The following ISG15 variants were observed in gnomAD, a reference collection of about 807,000 sequenced individuals.
The protein encoded by ISG15 is ubiquitin-like protein ISG15.
Under a neutral mutation model 2.4 loss-of-function variants are expected in ISG15, and 2 were observed. The ratio of observed to expected loss-of-function variants is 0.82; its 90% CI spans 0.33 to 2.57. The LOEUF is 2.57. Ranked by LOEUF, ISG15 falls within the 30% of genes most tolerant of loss-of-function variation. The pLI is 0.11. For missense variants in ISG15, 224 were observed against 228.4 expected (o/e 0.98, Z 0.13); for synonymous variants, 116 against 108.1 (o/e 1.07, Z -0.45).
rs1271042463 is a variant in ISG15 at position 1,014,300 on chromosome 1, T to C, written c.320T>C (p.Leu107Pro). 6.2e-7 allele frequency: 1 copy of C among 1,613,596 alleles called. No homozygotes were observed. Among genetic ancestry groups the C allele is most frequent in the African/African-American group, 1.3e-5 (1 of 74,942 alleles). Reference protein sequence around the residue: ...EVRLTQTVAHLKQQVSGLEGV... With the variant: ...EVRLTQTVAHPKQQVSGLEGV... ...CGGCTGACGCAGACCGTGGCCCACC[T>C]GAAGCAGCAAGTGAGCGGGCTGGAG... The change falls in exon 2 of 2, where the codon CTG (leucine) becomes CCG (proline). Residue 107 changes from leucine (L) to proline (P), a missense_variant. Coordinates refer to ENST00000649529, the MANE Select transcript of ISG15 (RefSeq NM_005101.4).
chr1:1,013,641 C>T, intron 1 of ISG15, 65 bp downstream of exon 1: 4 of 1,568,258 alleles, frequency 2.6e-6, no homozygotes, highest in Non-Finnish European at 3.5e-6. Context: ...TCTCCCTCCC[C>T]CAGCCAAGGT....
In ISG15 at chr1:1,013,546, C is replaced by G. The variant is rs376473837; in HGVS notation, c.-28C>G. On this transcript the variant is annotated 5_prime_UTR_variant, in exon 1 of 2. Coordinates refer to ENST00000649529, the MANE Select transcript of ISG15 (RefSeq NM_005101.4). ...TCTTTGCCAGTACAGGAGCTTGTGCCGTGGCCCACAGCCCACAGCCCACAG... is the reference window on the plus strand; with the variant it reads ...TCTTTGCCAGTACAGGAGCTTGTGCGGTGGCCCACAGCCCACAGCCCACAG... The G allele has an allele frequency of 6.2e-7, 1 of 1,612,738 alleles. No individual in the cohort carries two copies. The highest frequency in any genetic ancestry group is 1.1e-5 in the South Asian group (1 of 91,046).
intron 1 of ISG15, 102 bp from the exon 2 acceptor site, chr1:1,013,882 A>G (rs1028360995): frequency 1.4e-6 from 2 of 1,426,250 alleles, no homozygotes; most frequent in African/African-American, 2.8e-5. Flanking sequence ...GACAGGAGGG[A>G]GCACTGTCCC....
chr1:1,013,562 CAGCCCACAGCCATGGTAA>C lies in ISG15; in HGVS notation c.-11_3+4del. On this transcript the variant is annotated splice_donor_variant and splice_donor_region_variant and coding_sequence_variant and 5_prime_UTR_variant and intron_variant, in exon 1 of 2. Transcript: ENST00000649529. LOFTEE classifies it high-confidence loss of function. ...AGCTTGTGCCGTGGCCCACAGCCCA[CAGCCCACAGCCATGGTAA>C]GGCAGATGTCACAGGTGGGGGGAGG... 1 of 1,613,472 alleles carries C rather than the reference CAGCCCACAGCCATGGTAA, an allele frequency of 6.2e-7. No individual in the cohort carries two copies. The highest frequency in any genetic ancestry group is 8.5e-7 in the Non-Finnish European group (1 of 1,179,816).
rs1644249609 is a variant in ISG15 at position 1,014,191 on chromosome 1, G to A, written c.211G>A (p.Val71Ile). 1.2e-6 allele frequency: 2 copies of A among 1,613,424 alleles called. No homozygotes were observed. The highest frequency in any genetic ancestry group is 1.7e-6 in the Non-Finnish European group (2 of 1,179,910). Residue 71 changes from valine to isoleucine, a missense_variant, in exon 2 of 2, where the codon GTC (valine) becomes ATC (isoleucine). By Grantham distance (29) the Val-to-Ile change is conservative. Coordinates refer to ENST00000649529, the MANE Select transcript of ISG15 (RefSeq NM_005101.4). ...CCAGGGCCTGGGCCCCGGCAGCACGGTCCTGCTGGTGGTGGACAAATGCGA... is the reference window on the plus strand; with the variant it reads ...CCAGGGCCTGGGCCCCGGCAGCACGATCCTGCTGGTGGTGGACAAATGCGA... ...ASQGLGPGSTVLLVVDKCDEP... is the reference protein window; with the variant it reads ...ASQGLGPGSTILLVVDKCDEP...
chr1:1,013,851 G>A, intron 1 of ISG15, 133 bp from the exon 2 acceptor site: 1 of 1,284,284 alleles, frequency 7.8e-7, no homozygotes, highest in Non-Finnish European at 1.1e-6. Context: ...TGGGGTCCCT[G>A]CCGGCGGGAT....
At position 1,014,088 on chromosome 1, in the gene ISG15, C is replaced by A. The variant is rs1126625; in HGVS notation, c.108C>A (p.Ile36=). 5 of 1,613,198 alleles carry A rather than the reference C, an allele frequency of 3.1e-6. No homozygotes were observed. In the Admixed American group the frequency reaches 5.0e-5, roughly 16 times the overall value. The part of the protein sequence containing the change: ...SELKAQITQK[I]GVHAFQQRLA... ...TGAAGGCGCAGATCACCCAGAAGAT[C>A]GGCGTGCACGCCTTCCAGCAGCGTC... The change falls in exon 2 of 2, where the codon ATC becomes ATA. Residue 36 remains isoleucine, a synonymous_variant. Coordinates refer to ENST00000649529, the MANE Select transcript of ISG15 (RefSeq NM_005101.4).
intron 1 of ISG15, 22 bp downstream of exon 1, chr1:1,013,598 G>A: frequency 6.2e-7 from 1 of 1,613,124 alleles, no homozygotes; most frequent in Non-Finnish European, 8.5e-7. Flanking sequence ...GTCACAGGTG[G>A]GGGGAGGTGG....
intron 1 of ISG15, 72 bp from the exon 2 acceptor site, chr1:1,013,912 T>C: frequency 6.6e-7 from 1 of 1,523,024 alleles, no homozygotes; most frequent in Non-Finnish European, 8.8e-7. Flanking sequence ...GAGCTCGCCC[T>C]GCAGCCAGTG....
rs369889443 is a variant in ISG15 at position 1,014,019 on chromosome 1, C to T, written c.39C>T (p.Asn13=). The T allele has an allele frequency of 1.1e-5, 17 of 1,603,768 alleles. No homozygotes were observed. The African/African-American group carries it at 1.2e-4, about 11-fold the overall frequency. ...WDLTVKMLAG[N]EFQVSLSSSM... ...TGACGGTGAAGATGCTGGCGGGCAACGAATTCCAGGTGTCCCTGAGCAGCT... is the reference window on the plus strand; with the variant it reads ...TGACGGTGAAGATGCTGGCGGGCAATGAATTCCAGGTGTCCCTGAGCAGCT... The change falls in exon 2 of 2, where the codon AAC becomes AAT. Residue 13 remains asparagine (N), a synonymous_variant. Coordinates refer to ENST00000649529, the MANE Select transcript of ISG15 (RefSeq NM_005101.4).
chr1:1,013,862 G>A (rs1220103528), intron 1 of ISG15, 122 bp from the exon 2 acceptor site: 1 of 1,340,244 alleles, frequency 7.5e-7, no homozygotes. Context: ...CCGGCGGGAT[G>A]TAGAGGACAG....
chr1:1,014,517 A>G lies in ISG15; in HGVS notation c.*39A>G, dbSNP rs1274050666. The stretch of plus-strand genomic sequence containing the variant: ...CATCCGAGCAGGATCAAGGGCCGGA[A>G]ATAAAGGCTGTTGTAAAGAGAAATG... On this transcript the variant is annotated 3_prime_UTR_variant, in exon 2 of 2. Transcript: ENST00000649529. The G allele has an allele frequency of 2.6e-6, 4 of 1,557,326 alleles. No homozygotes were observed. The highest frequency in any genetic ancestry group is 4.5e-5 in the East Asian group (2 of 44,320).
Position 1,014,406 on chromosome 1 carries a change from C to CA in ISG15, c.428dup (p.Pro144AlafsTer?). ...AGCTCCCGCTGGGGGAGTACGGCCT[C>CA]AAGCCCCTGAGCACCGTGTTCATGA... On this transcript the variant is annotated frameshift_variant, in exon 2 of 2. Transcript: ENST00000649529. LOFTEE classifies it low-confidence loss of function (END_TRUNC). 1 of 1,613,170 alleles carries CA rather than the reference C, an allele frequency of 6.2e-7. No homozygotes were observed. Among genetic ancestry groups the CA allele is most frequent in the Non-Finnish European group, 8.5e-7 (1 of 1,180,012 alleles).
chr1:1,013,841 TG>T, intron 1 of ISG15, 142 bp from the exon 2 acceptor site: 1 of 1,204,038 alleles, frequency 8.3e-7, no homozygotes, highest in Non-Finnish European at 1.2e-6. Context: ...CTTCTGTGCC[TG>T]GGGTCCCTGC....
At position 1,014,089 on chromosome 1, in the gene ISG15, G is replaced by T; in HGVS notation, c.109G>T (p.Gly37Cys). 1 of 1,613,196 alleles carries T rather than the reference G, an allele frequency of 6.2e-7. No homozygotes were observed. ...ELKAQITQKI[G>C]VHAFQQRLAV... ...GAAGGCGCAGATCACCCAGAAGATC[G>T]GCGTGCACGCCTTCCAGCAGCGTCT... Residue 37 changes from glycine (G) to cysteine (C), a missense_variant, in exon 2 of 2, where the codon GGC (glycine) becomes TGC (cysteine). Coordinates refer to ENST00000649529, the MANE Select transcript of ISG15 (RefSeq NM_005101.4).
intron 1 of ISG15, 40 bp from the exon 2 acceptor site, chr1:1,013,944 G>A: frequency 6.4e-7 from 1 of 1,552,714 alleles, no homozygotes; most frequent in Non-Finnish European, 8.7e-7. Context: ...GTGGGCCTGG[G>A]GCTGGCGCCG....
chr1:1,013,718 G>T, intron 1 of ISG15, 142 bp downstream of exon 1: 2 of 1,047,534 alleles, frequency 1.9e-6, no homozygotes, highest in Non-Finnish European at 2.8e-6. Flanking sequence ...GCTCCTGAAA[G>T]CAGGTCACCC....
intron 1 of ISG15, 33 bp downstream of exon 1, chr1:1,013,609 G>C: frequency 6.2e-7 from 1 of 1,611,642 alleles, no homozygotes; most frequent in Non-Finnish European, 8.5e-7. Flanking sequence ...GGGGAGGTGG[G>C]CTCTGTGCCA....
In ISG15 at chr1:1,014,240, G is replaced by A; in HGVS notation, c.260G>A (p.Arg87Lys). The change falls in exon 2 of 2, where the codon AGG (arginine) becomes AAG (lysine). Residue 87 changes from arginine (R) to lysine (K), a missense_variant. Coordinates refer to ENST00000649529, the MANE Select transcript of ISG15 (RefSeq NM_005101.4). Reference protein sequence around the residue: ...KCDEPLSILVRNNKGRSSTYE... With the variant: ...KCDEPLSILVKNNKGRSSTYE... ...GACGAACCTCTGAGCATCCTGGTGA[G>A]GAATAACAAGGGCCGCAGCAGCACC... The A allele has an allele frequency of 6.2e-7, 1 of 1,613,610 alleles. No homozygotes were observed. Among genetic ancestry groups the A allele is most frequent in the African/African-American group, 1.3e-5 (1 of 75,064 alleles).
Sources: allele counts gnomAD v4.1 joint callset, GRCh38; gene constraint gnomAD v4.1.1; transcripts MANE v1.5; gene names NCBI Gene and HGNC (gene_info 2026-07-23, HGNC 2026-07-21).